Variants in SH3GL3 observed in about 807,000 individuals in gnomAD.
SH3GL3 encodes SH3 domain containing GRB2 like 3, endophilin A3, also known as endophilin-A3.
Under a neutral mutation model 47.7 loss-of-function variants are expected in SH3GL3, and 33 were observed. That is an observed-to-expected ratio of 0.69 (90% CI 0.52 to 0.92). SH3GL3 has a LOEUF of 0.92. Ranked by LOEUF, SH3GL3 falls within the 40% of genes least tolerant of loss-of-function variation. SH3GL3 has a pLI of 0.00. For missense variants in SH3GL3, 363 were observed against 417.8 expected (o/e 0.87, Z 1.14); for synonymous variants, 155 against 148.8 (o/e 1.04, Z -0.30).
chr15:83,622,552 CA>C (rs1428985043), downstream of SH3GL3, among the ~76,000 whole-genome samples: 1 of 152,226 alleles, frequency 6.6e-6, no homozygotes, highest in African/African-American at 2.4e-5. Flanking sequence ...GGATTACTGA[CA>C]TGGAATTGAA....
chr15:83,466,168 C>T (rs767974332), intron 1 of SH3GL3, among the ~76,000 whole-genome samples: 39 of 152,082 alleles, frequency 2.6e-4, no homozygotes, highest in Non-Finnish European at 4.4e-4. Flanking sequence ...AAAGTGTCAG[C>T]GTAATACTAT....
chr15:83,607,001 T>C lies in SH3GL3; in HGVS notation c.839-11081T>C, dbSNP rs142277067. On this transcript the variant is annotated intron_variant, in intron 8 of 8. Transcript: ENST00000427482. Reference sequence around the variant, plus strand: ...TGGTGCGGTGAACAGGAAGAGTCTCTCTCTTATTTTCCAATTTGAAGGAAG... The same window carrying C: ...TGGTGCGGTGAACAGGAAGAGTCTCCCTCTTATTTTCCAATTTGAAGGAAG... Among the ~76,000 whole-genome samples, 909 of 152,344 alleles carry C rather than the reference T, an allele frequency of 6.0e-3. 13 individuals carry two copies. The highest frequency in any genetic ancestry group is 0.021 in the African/African-American group (855 of 41,582).
intron 1 of SH3GL3, among the ~76,000 whole-genome samples, chr15:83,479,803 C>T (rs2041262852): frequency 6.6e-6 from 1 of 152,134 alleles, no homozygotes; most frequent in Non-Finnish European, 1.5e-5. Flanking sequence ...GGAAGGCTGT[C>T]TCTGCCACCT....
intron 2 of SH3GL3, among the ~76,000 whole-genome samples, chr15:83,562,854 A>T (rs2730090): frequency 9.2e-5 from 14 of 152,104 alleles, no homozygotes; most frequent in Non-Finnish European, 1.8e-4. Flanking sequence ...ACATTTCAAC[A>T]ATCTTGGCAA....
chr15:83,551,583 C>T (rs1219130252), intron 1 of SH3GL3, among the ~76,000 whole-genome samples: 1 of 152,210 alleles, frequency 6.6e-6, no homozygotes, highest in Non-Finnish European at 1.5e-5. Flanking sequence ...AGTCCATTAT[C>T]TCATGGCCCA....
intron 8 of SH3GL3, among the ~76,000 whole-genome samples, chr15:83,607,586 C>T (rs960953635): frequency 1.1e-4 from 17 of 152,146 alleles, no homozygotes; most frequent in South Asian, 2.1e-4. Flanking sequence ...CGATAGTCTA[C>T]GGCAAGCGCC....
chr15:83,606,887 G>C (rs2060529368), intron 8 of SH3GL3, among the ~76,000 whole-genome samples: 1 of 152,120 alleles, frequency 6.6e-6, no homozygotes, highest in African/African-American at 2.4e-5. Context: ...AATGTGGACA[G>C]GTTGAACATT....
chr15:83,605,255 T>C (rs981720337), intron 8 of SH3GL3, among the ~76,000 whole-genome samples: 94 of 152,226 alleles, frequency 6.2e-4, no homozygotes, highest in African/African-American at 2.2e-3. Flanking sequence ...CGGTAGTAGC[T>C]TCAAGTTCCC....
At chr15:83,462,863 C>T (rs1010701114) in intron 1 of SH3GL3, among the ~76,000 whole-genome samples, 5 of 152,180 alleles carry the variant, frequency 3.3e-5, no homozygotes, top group African/African-American at 1.2e-4. Context: ...TGGCTTGATA[C>T]TGACTTCCAG....
chr15:83,531,995 A>G (rs1311806836), intron 1 of SH3GL3, among the ~76,000 whole-genome samples: 1 of 152,194 alleles, frequency 6.6e-6, no homozygotes, highest in Non-Finnish European at 1.5e-5. Context: ...TTCAGCATGT[A>G]CAAGTTGCTG....
chr15:83,564,623 C>T (rs571419513), intron 2 of SH3GL3, among the ~76,000 whole-genome samples: 1 of 152,300 alleles, frequency 6.6e-6, no homozygotes, highest in Non-Finnish European at 1.5e-5. Context: ...TTGATGTTAA[C>T]ATCTTCTGAC....
intron 1 of SH3GL3, among the ~76,000 whole-genome samples, chr15:83,461,264 C>T (rs562948101): frequency 6.6e-6 from 1 of 152,162 alleles, no homozygotes; most frequent in South Asian, 2.1e-4. Flanking sequence ...TAATAAGTAG[C>T]CTTGAATACA....
intron 1 of SH3GL3, among the ~76,000 whole-genome samples, chr15:83,532,278 G>A (rs2043711107): frequency 6.6e-6 from 1 of 152,204 alleles, no homozygotes; most frequent in Non-Finnish European, 1.5e-5. Context: ...TGGAGTTATG[G>A]ATTTTCAAGT....
At chr15:83,587,814 T>G (rs1567016153) in intron 7 of SH3GL3, among the ~76,000 whole-genome samples, 2 of 152,202 alleles carry the variant, frequency 1.3e-5, no homozygotes, top group African/African-American at 4.8e-5. Context: ...TATTTTAAAT[T>G]AGGTTTGATA....
intron 1 of SH3GL3, among the ~76,000 whole-genome samples, chr15:83,541,010 T>G (rs1212520806): frequency 6.6e-6 from 1 of 152,196 alleles, no homozygotes; most frequent in East Asian, 1.9e-4. Flanking sequence ...GTTTAAATTT[T>G]TAGTTCCCAC....
intron 1 of SH3GL3, among the ~76,000 whole-genome samples, chr15:83,507,966 G>T (rs765429790): frequency 9.9e-5 from 15 of 151,864 alleles, no homozygotes; most frequent in Non-Finnish European, 1.5e-5. Context: ...TGATTGAGAC[G>T]GAGTCTTGCT....
chr15:83,477,637 A>G (rs567351486), intron 1 of SH3GL3, among the ~76,000 whole-genome samples: 1 of 152,286 alleles, frequency 6.6e-6, no homozygotes, highest in African/African-American at 2.4e-5. Context: ...GGCGTGGACC[A>G]TATATGTTCT....
intron 1 of SH3GL3, among the ~76,000 whole-genome samples, chr15:83,456,782 G>A (rs987322570): frequency 3.3e-5 from 5 of 151,996 alleles, no homozygotes; most frequent in East Asian, 3.9e-4. Context: ...CGTCGCTCAC[G>A]CTGGGAGCTG....
chr15:83,576,781 A>G (rs762701871), intron 6 of SH3GL3, 40 bp downstream of exon 6: 12 of 1,368,742 alleles, frequency 8.8e-6, no homozygotes, highest in Non-Finnish European at 1.2e-5. Flanking sequence ...AATGTAAATG[A>G]ATGAAACATT....
Sources: allele counts gnomAD v4.1 joint callset (sites outside exome capture counted in the v4.1 genomes callset), GRCh38; gene constraint gnomAD v4.1.1; transcripts MANE v1.5; gene names NCBI Gene and HGNC (gene_info 2026-07-23, HGNC 2026-07-21).